The following CHD5 variants were observed in gnomAD, a reference collection of about 807,000 sequenced individuals.
The protein encoded by CHD5 is ATP-dependent chromatin remodeler CHD5.
In CHD5, 69 loss-of-function variants were observed where a neutral mutation model predicts 230.3. The observed-to-expected ratio is 0.30, with a 90% confidence interval of 0.25 to 0.37. The LOEUF is 0.37. Among genes scored for constraint, CHD5 ranks in the 10% least tolerant of loss-of-function variants. CHD5 has a pLI of 1.00. For missense variants in CHD5, 1,827 were observed against 2,622.8 expected, an observed-to-expected ratio of 0.70 and a Z score of 6.63; for synonymous variants, 1,064 against 1,065.9, an observed-to-expected ratio of 1.00 and a Z score of 0.03.
intron 15 of CHD5, among the ~76,000 whole-genome samples, chr1:6,138,300 C>T (rs1194517826): frequency 6.6e-6 from 1 of 151,932 alleles, no homozygotes; most frequent in Non-Finnish European, 1.5e-5. Flanking sequence ...TCACTTGAAC[C>T]CAAAAGGCAG....
At chr1:6,156,321 G>A (rs1396889731) in intron 3 of CHD5, among the ~76,000 whole-genome samples, 1 of 152,172 alleles carries the variant, frequency 6.6e-6, no homozygotes, top group Non-Finnish European at 1.5e-5. Flanking sequence ...CAGATCATTT[G>A]AGGTCAGGAG....
chr1:6,151,321 G>T (rs1219745472), intron 6 of CHD5, among the ~76,000 whole-genome samples, 166 bp from the exon 7 acceptor site: 1 of 152,158 alleles, frequency 6.6e-6, no homozygotes, highest in Non-Finnish European at 1.5e-5. Flanking sequence ...ATTACAGCCT[G>T]CCTGTCCAGC....
chr1:6,146,708 G>A lies in CHD5; in HGVS notation c.1547C>T (p.Ala516Val), dbSNP rs202175580. The A allele has an allele frequency of 2.7e-5, 43 of 1,613,746 alleles. No individual in the cohort carries two copies. The Middle Eastern group carries it at 6.6e-4, about 25-fold the overall frequency. The stretch of plus-strand genomic sequence containing the variant: ...GGAGCAATGCCAGTAGGACAGCCCT[G>A]CCCACTTGACAAAGAACTCTCTCTC... Reference protein sequence around the residue: ...IPEREFFVKWAGLSYWHCSWV... With the variant: ...IPEREFFVKWVGLSYWHCSWV... Residue 516 changes from alanine (A) to valine (V), a missense_variant, in exon 10 of 42, where the codon GCA (alanine) becomes GTA (valine). By Grantham distance (64) the Ala-to-Val change is moderately conservative (BLOSUM62 0). Coordinates refer to ENST00000262450, the MANE Select transcript of CHD5 (RefSeq NM_015557.3). The surrounding 1 kb of genome is among the most constrained non-coding windows in gnomAD (Gnocchi z 5.1).
chr1:6,108,624 G>A (rs1244010942), intron 38 of CHD5, among the ~76,000 whole-genome samples: 1 of 147,476 alleles, frequency 6.8e-6, no homozygotes, highest in Non-Finnish European at 1.5e-5. Context: ...ATGACAGAGG[G>A]ATGAGGGATG....
chr1:6,161,131 G>A (rs1338319383), intron 2 of CHD5, among the ~76,000 whole-genome samples: 1 of 151,968 alleles, frequency 6.6e-6, no homozygotes, highest in Non-Finnish European at 1.5e-5. Flanking sequence ...AGGGAGGGAG[G>A]GAGAAGGAAA....
At chr1:6,162,148 G>A (rs755423200) in intron 2 of CHD5, among the ~76,000 whole-genome samples, 12 of 152,156 alleles carry the variant, frequency 7.9e-5, no homozygotes, top group Admixed American at 2.6e-4. Context: ...TTGGGAGGCC[G>A]AGGCGGGCAG....
At chr1:6,156,902 G>T (rs962150440) in intron 3 of CHD5, among the ~76,000 whole-genome samples, 5 of 152,240 alleles carry the variant, frequency 3.3e-5, no homozygotes, top group Non-Finnish European at 1.5e-5. Flanking sequence ...CCGGATGTGG[G>T]CATGGGCTGG....
At position 6,154,478 on chromosome 1, in the gene CHD5, G is replaced by A. The variant is rs11121346; in HGVS notation, c.745+182C>T. Among the ~76,000 whole-genome samples the A allele has an allele frequency of 0.046, 7,054 of 152,222 alleles. 546 individuals carry two copies. Among genetic ancestry groups the A allele is most frequent in the African/African-American group, 0.16 (6,689 of 41,500 alleles). On this transcript the variant is annotated intron_variant, in intron 5 of 41. Coordinates refer to ENST00000262450, the MANE Select transcript of CHD5 (RefSeq NM_015557.3). This position sits in a 1 kb window ranked among gnomAD's most constrained non-coding sequence, Gnocchi z 7.0. ...AAAGGGAGTCAGGCACAAAAGAGGC[G>A]ACGATGCTGCCTCACTGCTGAGAAA... is the stretch of plus-strand genomic sequence containing the variant.
At chr1:6,123,574 G>A (rs936495135) in intron 31 of CHD5, among the ~76,000 whole-genome samples, 2 of 152,098 alleles carry the variant, frequency 1.3e-5, no homozygotes, top group East Asian at 1.9e-4. Context: ...TTACAGGCAC[G>A]TGCCACCATG....
At position 6,128,538 on chromosome 1, in the gene CHD5, C is replaced by A. The variant is rs201442436; in HGVS notation, c.3691G>T (p.Ala1231Ser). 5.6e-6 allele frequency: 9 copies of A among 1,614,022 alleles called. No homozygotes were observed. The highest frequency in any genetic ancestry group is 7.6e-6 in the Non-Finnish European group (9 of 1,180,024). Reference protein sequence around the residue: ...DVQSSKGGNLAASAKKKHGST... With the variant: ...DVQSSKGGNLSASAKKKHGST... ...CCGTGCTTCTTCTTTGCACTGGCGGCCAAGTTCCCCCCTTTGGAGGACTGG... is the reference window on the plus strand; with the variant it reads ...CCGTGCTTCTTCTTTGCACTGGCGGACAAGTTCCCCCCTTTGGAGGACTGG... The change falls in exon 24 of 42, where the codon GCC becomes TCC. Residue 1231 changes from alanine (A) to serine (S), a missense_variant. This residue lies in a region of CHD5 where 25 missense variants were observed against 20.3 expected (regional missense o/e 1.23). Transcript: ENST00000262450. The surrounding 1 kb of genome is among the most constrained non-coding windows in gnomAD (Gnocchi z 7.8).
chr1:6,106,093 G>A (rs1571133731), intron 41 of CHD5, 141 bp downstream of exon 41: 3 of 732,476 alleles, frequency 4.1e-6, no homozygotes, highest in East Asian at 5.3e-5. Flanking sequence ...GCAGGTGGGT[G>A]GCTCTCAAAG....
chr1:6,114,015 C>T (rs996413231), intron 33 of CHD5, among the ~76,000 whole-genome samples: 24 of 152,106 alleles, frequency 1.6e-4, no homozygotes, highest in African/African-American at 4.8e-4. Context: ...TTTGGGAGGC[C>T]GAGGCCGGAG....
rs750288032 is a variant in CHD5 at position 6,149,273 on chromosome 1, G to A, written c.1134C>T (p.Pro378=). 41 of 1,610,272 alleles carry A rather than the reference G, an allele frequency of 2.5e-5. No homozygotes were observed. Among genetic ancestry groups the A allele is most frequent in the Middle Eastern group, 1.7e-4 (1 of 6,060 alleles). The change falls in exon 8 of 42, where the codon CCC becomes CCT. Residue 378 remains proline, a synonymous_variant. Coordinates refer to ENST00000262450, the MANE Select transcript of CHD5 (RefSeq NM_015557.3). ...VCLDPELEKA[P]EGKWSCPHCE... Reference sequence around the variant, plus strand: ...AGTGGGGGCAGCTCCACTTGCCCTCGGGAGCCTTCTCCAGCTCTGGGTCCA... The same window carrying A: ...AGTGGGGGCAGCTCCACTTGCCCTCAGGAGCCTTCTCCAGCTCTGGGTCCA...
At chr1:6,132,347 A>T (rs370847324) in intron 20 of CHD5, among the ~76,000 whole-genome samples, 5 of 152,282 alleles carry the variant, frequency 3.3e-5, no homozygotes, top group African/African-American at 1.2e-4. Context: ...TGTTGTTAAG[A>T]AGTCTGAGAA....
chr1:6,179,118 C>T (rs1219542786), intron 1 of CHD5, among the ~76,000 whole-genome samples: 2 of 152,228 alleles, frequency 1.3e-5, no homozygotes, highest in Admixed American at 6.5e-5. Context: ...CCCTGGCGCA[C>T]AGCCCTGTGT....
chr1:6,125,181 C>A lies in CHD5; in HGVS notation c.4313G>T (p.Arg1438Leu). 1.2e-6 allele frequency: 2 copies of A among 1,606,786 alleles called. No individual in the cohort carries two copies. The highest frequency in any genetic ancestry group is 1.7e-6 in the Non-Finnish European group (2 of 1,177,716). Reference protein sequence around the residue: ...QRKAFLNAIMRWGMPPQDAFN... With the variant: ...QRKAFLNAIMLWGMPPQDAFN... ...GGCGTCCTGCGGGGGCATGCCCCAGCGCATGATGGCGTTCAGAAAGGCCTT... is the reference window on the plus strand; with the variant it reads ...GGCGTCCTGCGGGGGCATGCCCCAGAGCATGATGGCGTTCAGAAAGGCCTT... The change falls in exon 29 of 42, where the codon CGC becomes CTC. Residue 1438 changes from arginine (R) to leucine (L), a missense_variant. Arg to Leu is a moderately radical substitution (Grantham distance 102). Around this residue, in one of 14 missense-constraint regions of CHD5, gnomAD observed 108 missense variants for 152.4 expected, o/e 0.71. Transcript: ENST00000262450. This position sits in a 1 kb window ranked among gnomAD's most constrained non-coding sequence, Gnocchi z 6.7.
intron 33 of CHD5, among the ~76,000 whole-genome samples, chr1:6,116,797 G>A (rs1467737685): frequency 2.0e-5 from 3 of 152,226 alleles, no homozygotes; most frequent in African/African-American, 7.2e-5. Flanking sequence ...CATTAAAGGT[G>A]TACTTTAGGA....
intron 15 of CHD5, among the ~76,000 whole-genome samples, chr1:6,137,875 A>T (rs980357105): frequency 6.6e-6 from 1 of 152,212 alleles, no homozygotes; most frequent in African/African-American, 2.4e-5. Context: ...CCTCCCTGGG[A>T]CAGGTTCTCA....
At chr1:6,110,117 C>T in intron 37 of CHD5, 127 bp from the exon 38 acceptor site, 1 of 995,336 alleles carries the variant, frequency 1.0e-6, no homozygotes, top group Non-Finnish European at 1.4e-6. Context: ...CTGCCATCTG[C>T]TGCCCACCCT....
Sources: allele counts gnomAD v4.1 joint callset (sites outside exome capture counted in the v4.1 genomes callset), GRCh38; gene constraint gnomAD v4.1.1; regional missense constraint gnomAD v4.1.1; non-coding constraint Gnocchi (gnomAD v3.1); transcripts MANE v1.5; gene names NCBI Gene and HGNC (gene_info 2026-07-23, HGNC 2026-07-21).